Variants in RBFOX1 observed in about 807,000 individuals in gnomAD.
RBFOX1 encodes the protein RNA binding protein fox-1 homolog 1.
In RBFOX1, 8 loss-of-function variants were observed where a neutral mutation model predicts 57.7. That is an observed-to-expected ratio of 0.14 (90% CI 0.08 to 0.25). The LOEUF is 0.25. Among genes scored for constraint, RBFOX1 ranks in the 10% least tolerant of loss-of-function variants. The pLI is 1.00. For synonymous variants in RBFOX1, 326 were observed against 222.4 expected (o/e 1.47, Z -4.15); for missense variants, 611 against 548.5 (o/e 1.11, Z -1.14).
intron 4 of RBFOX1, among the ~76,000 whole-genome samples, chr16:7,075,630 G>C (rs2058147855): frequency 6.6e-6 from 1 of 152,006 alleles, no homozygotes; most frequent in African/African-American, 2.4e-5. Flanking sequence ...GCGCAGGCTG[G>C]AGTGCAGTGG....
At chr16:7,604,233 T>A (rs1396624693) in intron 9 of RBFOX1, among the ~76,000 whole-genome samples, 1 of 152,114 alleles carries the variant, frequency 6.6e-6, no homozygotes, top group Non-Finnish European at 1.5e-5. Context: ...GACTAGAAAT[T>A]GGGTTTTCAT....
At chr16:6,858,148 T>C (rs2058248878) in intron 3 of RBFOX1, among the ~76,000 whole-genome samples, 1 of 152,240 alleles carries the variant, frequency 6.6e-6, no homozygotes, top group East Asian at 1.9e-4. Context: ...AACGTGACTG[T>C]AATTTAATAT....
intron 4 of RBFOX1, among the ~76,000 whole-genome samples, chr16:5,912,204 A>T (rs2152211802): frequency 6.6e-6 from 1 of 152,160 alleles, no homozygotes; most frequent in Non-Finnish European, 1.5e-5. Flanking sequence ...CAGTTTTTTC[A>T]TCCATGTAGG....
intron 1 of RBFOX1, among the ~76,000 whole-genome samples, chr16:6,157,784 T>A (rs760585730): frequency 2.6e-5 from 4 of 152,220 alleles, no homozygotes; most frequent in Admixed American, 6.5e-5. Context: ...CTGCTCTCTG[T>A]TATATTTCTT....
At chr16:5,934,344 G>T (rs2059126764) in intron 4 of RBFOX1, among the ~76,000 whole-genome samples, 1 of 152,186 alleles carries the variant, frequency 6.6e-6, no homozygotes, top group East Asian at 1.9e-4. Flanking sequence ...TATATCTATT[G>T]TGCTTATTTT....
At chr16:5,620,108 G>A (rs575774773) in intron 3 of RBFOX1, among the ~76,000 whole-genome samples, 51 of 152,252 alleles carry the variant, frequency 3.3e-4, no homozygotes, top group African/African-American at 1.2e-3. Flanking sequence ...TCAGCAGAAA[G>A]TGAACATTAC....
At chr16:5,391,426 A>G (rs986364591) in intron 1 of RBFOX1, among the ~76,000 whole-genome samples, 7 of 152,142 alleles carry the variant, frequency 4.6e-5, no homozygotes, top group Admixed American at 4.6e-4. Context: ...AAAGCTAGCC[A>G]GGAAGGGTTA....
At chr16:7,358,535 C>G (rs568140438) in intron 4 of RBFOX1, among the ~76,000 whole-genome samples, 4 of 152,256 alleles carry the variant, frequency 2.6e-5, no homozygotes, top group East Asian at 3.9e-4. Context: ...ATTCTCTTGC[C>G]TCAGCCTCCC....
intron 1 of RBFOX1, among the ~76,000 whole-genome samples, chr16:6,218,219 C>T (rs781170567): frequency 6.6e-6 from 1 of 152,094 alleles, no homozygotes; most frequent in Non-Finnish European, 1.5e-5. Flanking sequence ...TTGAGTATGC[C>T]AGGTGAATTC....
intron 1 of RBFOX1, among the ~76,000 whole-genome samples, chr16:6,277,458 C>CA (rs59733415): frequency 0.011 from 883 of 80,810 alleles, 20 homozygotes; most frequent in African/African-American, 0.031. Context: ...GTCTGTCTCC[C>CA]AAAAAAAAAA....
chr16:7,026,736 C>T (rs1008211118), intron 3 of RBFOX1, among the ~76,000 whole-genome samples: 9 of 152,182 alleles, frequency 5.9e-5, no homozygotes, highest in African/African-American at 2.2e-4. Flanking sequence ...CATACCTCCC[C>T]TACCCAATTC....
At chr16:5,883,285 AT>A (rs1234909450) in intron 4 of RBFOX1, among the ~76,000 whole-genome samples, 1 of 152,216 alleles carries the variant, frequency 6.6e-6, no homozygotes, top group Non-Finnish European at 1.5e-5. Context: ...TATTTTAAAA[AT>A]ATATGTGTGT....
chr16:7,167,852 T>TATCTG (rs1313226323), intron 4 of RBFOX1, among the ~76,000 whole-genome samples: 1 of 65,492 alleles, frequency 1.5e-5, no homozygotes, highest in Non-Finnish European at 2.8e-5. Flanking sequence ...AAATATTTAC[T>TATCTG]ATCTGGCCCT....
At position 6,891,761 on chromosome 16, in the gene RBFOX1, T is replaced by C. The variant is rs545338180; in HGVS notation, c.-15-160296T>C. 3.0e-4 allele frequency among the ~76,000 whole-genome samples: 45 copies of C among 152,172 alleles called. 1 individual carries two copies. Among genetic ancestry groups the C allele is most frequent in the Non-Finnish European group, 5.3e-4 (36 of 68,038 alleles). ...CCATGAAGGTGCAATCTGTCTTCAA[T>C]CCAATGTCTCATCAAATTCCTGCTG... On this transcript the variant is annotated intron_variant, in intron 3 of 15. Coordinates refer to ENST00000550418, the MANE Select transcript of RBFOX1 (RefSeq NM_018723.4).
chr16:7,589,560 G>A (rs1046857744), intron 7 of RBFOX1, among the ~76,000 whole-genome samples: 6 of 140,874 alleles, frequency 4.3e-5, no homozygotes, highest in East Asian at 2.1e-4. Flanking sequence ...GTGGGTATGC[G>A]CCCTCTGAAA....
At chr16:6,451,880 C>T (rs2094634225) in intron 2 of RBFOX1, among the ~76,000 whole-genome samples, 1 of 151,534 alleles carries the variant, frequency 6.6e-6, no homozygotes, top group Non-Finnish European at 1.5e-5. Context: ...TTCCATGACT[C>T]CATCCATGGC....
intron 3 of RBFOX1, among the ~76,000 whole-genome samples, chr16:6,666,088 A>G (rs1046335306): frequency 1.3e-5 from 2 of 152,200 alleles, no homozygotes; most frequent in Admixed American, 1.3e-4. Context: ...GCCACCATAT[A>G]AAACGTGCCT....
At chr16:6,064,684 G>T (rs745676460) in intron 1 of RBFOX1, among the ~76,000 whole-genome samples, 1 of 152,058 alleles carries the variant, frequency 6.6e-6, no homozygotes, top group African/African-American at 2.4e-5. Flanking sequence ...GAGACTACAG[G>T]TGCATGCCAC....
chr16:6,767,195 C>T (rs1001314800), intron 3 of RBFOX1, among the ~76,000 whole-genome samples: 1 of 152,110 alleles, frequency 6.6e-6, no homozygotes, highest in African/African-American at 2.4e-5. Context: ...GGAACCTAAA[C>T]CTAGCCAGCT....
Sources: gnomAD v4.1 joint callset for allele counts (sites outside exome capture counted in the v4.1 genomes callset) on GRCh38, gnomAD v4.1.1 for gene constraint, MANE v1.5 for transcripts, NCBI Gene and HGNC (gene_info 2026-07-23, HGNC 2026-07-21) for gene names.